CASP1: variants seen among roughly 807,000 people sequenced by gnomAD.
CASP1 encodes caspase-1.
A neutral mutation model predicts 41.2 loss-of-function variants in CASP1; 31 were observed. The ratio of observed to expected loss-of-function variants is 0.75; its 90% CI spans 0.57 to 1.02. CASP1 has a LOEUF of 1.02. Ranked by LOEUF, CASP1 falls within the 50% of genes least tolerant of loss-of-function variation. The probability of loss-of-function intolerance (pLI) is 0.00; values close to 1 mark genes in which losing one functional copy is unlikely to be tolerated. For missense variants in CASP1, 490 were observed against 495.7 expected, an observed-to-expected ratio of 0.99 and a Z score of 0.11; for synonymous variants, 163 against 166.5, an observed-to-expected ratio of 0.98 and a Z score of 0.16.
intron 2 of CASP1, chr11:105,033,816 C>T: frequency 3.9e-6 from 2 of 513,584 alleles, no homozygotes; most frequent in South Asian, 3.0e-5. Context: ...GATTATAAAC[C>T]TTAAAGCTTC....
intron 4 of CASP1, chr11:105,030,809 C>G: frequency 2.7e-6 from 1 of 370,694 alleles, no homozygotes. Flanking sequence ...GATTGTTTTT[C>G]TTTGGGAAAA....
chr11:105,029,058 AG>A, intron 7 of CASP1, 65 bp downstream of exon 7: 1 of 1,453,500 alleles, frequency 6.9e-7, no homozygotes. Context: ...CACCACCTCT[AG>A]TGGGTTATTG....
Position 105,034,201 on chromosome 11 carries a change from C to A in CASP1, c.274+7G>T, listed in dbSNP as rs748680818. ...GGTGAACTTGAGTGTAAGTCACTGA[C>A]CCTTACCTGCTGAGAGTCCCAGCGT... On this transcript the variant is annotated splice_region_variant and intron_variant, in intron 2 of 8. Coordinates refer to ENST00000533400, the MANE Select transcript of CASP1 (RefSeq NM_001257118.3). 1 of 1,614,048 alleles carries A rather than the reference C, an allele frequency of 6.2e-7. No individual in the cohort carries two copies. The highest frequency in any genetic ancestry group is 1.7e-5 in the Admixed American group (1 of 60,012).
upstream of CASP1, among the ~76,000 whole-genome samples, chr11:105,035,616 C>CT (rs770202897): frequency 1.9e-5 from 1 of 52,072 alleles, no homozygotes; most frequent in African/African-American, 5.0e-5. Context: ...TTTTTTCTTT[C>CT]TGTTTTTTTT....
At position 105,034,668 on chromosome 11, in the gene CASP1, C is replaced by A; in HGVS notation, c.8-194G>T. The A allele has an allele frequency of 3.3e-6, 3 of 913,602 alleles. 1 individual carries two copies. The South Asian group carries it at 5.1e-5, about 16-fold the overall frequency. 56.6% of individuals were successfully genotyped at this position (913,602 alleles called of 1,614,324 possible). The stretch of plus-strand genomic sequence containing the variant: ...GTCTCCATACATGTGCATGGAGTGA[C>A]CTGAAGACTGAGTTTACCATTTCCA... On this transcript the variant is annotated intron_variant, in intron 1 of 8. Transcript: ENST00000533400.
At position 105,029,910 on chromosome 11, in the gene CASP1, C is replaced by A; in HGVS notation, c.628-11G>T. The A allele has an allele frequency of 6.4e-7, 1 of 1,574,138 alleles. No individual in the cohort carries two copies. The highest frequency in any genetic ancestry group is 8.7e-7 in the Non-Finnish European group (1 of 1,143,636). ...CTCTGTAGTCATGTCCTGAAAGACACCATATCACTGATTTTCGACTATGTA... is the reference window on the plus strand; with the variant it reads ...CTCTGTAGTCATGTCCTGAAAGACAACATATCACTGATTTTCGACTATGTA... On this transcript the variant is annotated splice_polypyrimidine_tract_variant and intron_variant, in intron 5 of 8. Coordinates refer to ENST00000533400, the MANE Select transcript of CASP1 (RefSeq NM_001257118.3).
At chr11:105,031,379 A>G (rs1425078387) in intron 3 of CASP1, 99 bp from the exon 4 acceptor site, 3 of 656,590 alleles carry the variant, frequency 4.6e-6, no homozygotes, top group Non-Finnish European at 8.3e-6. Context: ...AGAAGAGGAA[A>G]TGCACTCTGA....
intron 3 of CASP1, among the ~76,000 whole-genome samples, chr11:105,032,034 G>T (rs936911366): frequency 5.9e-5 from 9 of 152,136 alleles, no homozygotes; most frequent in African/African-American, 2.2e-4. Flanking sequence ...CCTTGTTAAA[G>T]AAATTAATGT....
At chr11:105,032,631 A>C (rs766117789) in intron 3 of CASP1, among the ~76,000 whole-genome samples, 2 of 152,194 alleles carry the variant, frequency 1.3e-5, no homozygotes, top group Admixed American at 6.5e-5. Context: ...TTAGAGGTGC[A>C]TGAGAAGGAA....
intron 7 of CASP1, 34 bp downstream of exon 7, chr11:105,029,090 C>T (rs505901): frequency 8.8e-6 from 14 of 1,594,002 alleles, no homozygotes; most frequent in East Asian, 2.2e-5. Flanking sequence ...TATTGATAGC[C>T]CCAACAAAGA....
intron 3 of CASP1, 49 bp from the exon 4 acceptor site, chr11:105,031,329 A>G: frequency 9.0e-7 from 1 of 1,111,446 alleles, no homozygotes; most frequent in Non-Finnish European, 1.4e-6. Flanking sequence ...TGTTTGTTCC[A>G]CTTTGTGTTT....
upstream of CASP1, chr11:105,035,315 T>C: frequency 1.5e-6 from 1 of 651,310 alleles, no homozygotes; most frequent in Non-Finnish European, 2.7e-6. Flanking sequence ...AGCCCTTGGA[T>C]AGATCAGGGT....
chr11:105,030,629 A>T (rs957798131), intron 4 of CASP1, 126 bp from the exon 5 acceptor site: 102 of 725,954 alleles, frequency 1.4e-4, no homozygotes, highest in Non-Finnish European at 2.1e-4. Flanking sequence ...CCATACATTG[A>T]AAAGGGGGAA....
chr11:105,031,215 GCTTGACATTCC>G lies in CASP1; in HGVS notation c.392_402del (p.Gly131AlafsTer37). The G allele has an allele frequency of 6.2e-7, 1 of 1,612,966 alleles. No individual in the cohort carries two copies. Among genetic ancestry groups the G allele is most frequent in the Admixed American group, 1.7e-5 (1 of 59,922 alleles). On this transcript the variant is annotated frameshift_variant, in exon 4 of 9. Transcript: ENST00000533400. LOFTEE classifies it high-confidence loss of function. ...CTTTGAGCTTCTTCTAGGGAGCAAA[GCTTGACATTCC>G]CTTCTGAGCCTGAGGATGTGGGCAT...
In CASP1 at chr11:105,026,297, C is replaced by A. The variant is rs770693550; in HGVS notation, c.1176G>T (p.Val392=). ...GRAQMPTTER[V]TLTRCFYLFP... ...AGAGGTAGAAACATCTTGTCAAAGT[C>A]ACTCTTTCAGTGGTGGGCATCTGCG... The change falls in exon 9 of 9, where the codon GTG becomes GTT. Residue 392 remains valine (V), a synonymous_variant. Transcript: ENST00000533400. 4.3e-6 allele frequency: 7 copies of A among 1,611,846 alleles called. No individual in the cohort carries two copies. Among genetic ancestry groups the A allele is most frequent in the Non-Finnish European group, 8.5e-7 (1 of 1,178,392 alleles).
intron 7 of CASP1, among the ~76,000 whole-genome samples, chr11:105,028,020 G>A (rs1052636789): frequency 6.6e-6 from 1 of 152,120 alleles, no homozygotes; most frequent in Non-Finnish European, 1.5e-5. Context: ...CCTACAAAGA[G>A]CTACTTAGAG....
At chr11:105,028,182 G>T (rs1160105653) in intron 7 of CASP1, among the ~76,000 whole-genome samples, 1 of 151,964 alleles carries the variant, frequency 6.6e-6, no homozygotes, top group Non-Finnish European at 1.5e-5. Context: ...AAAAATTATT[G>T]AGTTCTACAT....
chr11:105,032,385 C>T (rs1863752795), intron 3 of CASP1, among the ~76,000 whole-genome samples: 2 of 151,848 alleles, frequency 1.3e-5, no homozygotes, highest in Admixed American at 1.3e-4. Context: ...ATTGAATATC[C>T]CATGCTGTGA....
chr11:105,026,116 C>G lies in CASP1; in HGVS notation c.*142G>C. ...TTGGATTTTAGAGCATTTCAAAATT[C>G]AAATTTTTGGATTAAGGATTCTCAG... is the stretch of plus-strand genomic sequence containing the variant. On this transcript the variant is annotated 3_prime_UTR_variant, in exon 9 of 9. Coordinates refer to ENST00000533400, the MANE Select transcript of CASP1 (RefSeq NM_001257118.3). The G allele has an allele frequency of 1.8e-6, 1 of 556,592 alleles. No homozygotes were observed. The highest frequency in any genetic ancestry group is 3.2e-6 in the Non-Finnish European group (1 of 313,162). 34.5% of individuals were successfully genotyped at this position (556,592 alleles called of 1,614,324 possible).
Sources: gnomAD v4.1 joint callset for allele counts (sites outside exome capture counted in the v4.1 genomes callset) on GRCh38, gnomAD v4.1.1 for gene constraint, MANE v1.5 for transcripts, NCBI Gene and HGNC (gene_info 2026-07-23, HGNC 2026-07-21) for gene names.